GRIA1: variants seen among roughly 807,000 people sequenced by gnomAD.
The protein encoded by GRIA1 is glutamate ionotropic receptor AMPA type subunit 1.
A neutral mutation model predicts 99.2 loss-of-function variants in GRIA1; 31 were observed. The ratio of observed to expected loss-of-function variants is 0.31; its 90% CI spans 0.23 to 0.42. GRIA1 has a LOEUF of 0.42. Among genes scored for constraint, GRIA1 ranks in the 10% least tolerant of loss-of-function variants. GRIA1 has a pLI of 1.00. For synonymous variants in GRIA1, 438 were observed against 432.4 expected (o/e 1.01, Z -0.16); for missense variants, 782 against 1,157.5 (o/e 0.68, Z 4.71).
chr5:153,620,847 C>T (rs192269288), intron 2 of GRIA1, among the ~76,000 whole-genome samples: 1 of 152,304 alleles, frequency 6.6e-6, no homozygotes, highest in Admixed American at 6.5e-5. Flanking sequence ...GTTGTAGTTC[C>T]TACCCTAGTT....
chr5:153,714,948 G>A (rs899214689), intron 11 of GRIA1, among the ~76,000 whole-genome samples: 1 of 152,222 alleles, frequency 6.6e-6, no homozygotes, highest in African/African-American at 2.4e-5. Context: ...GTGGCTGAAG[G>A]AGAAACGGCC....
chr5:153,493,681 AG>A (rs1458129840), intron 1 of GRIA1, among the ~76,000 whole-genome samples: 13 of 152,194 alleles, frequency 8.5e-5, no homozygotes, highest in Non-Finnish European at 1.5e-5. Flanking sequence ...AGCTGAGTTG[AG>A]GGGTACACAA....
rs80335314 is a variant in GRIA1, at chr5:153,748,921, A to G, written c.1824-15513A>G. On this transcript the variant is annotated intron_variant, in intron 11 of 15. Coordinates refer to ENST00000285900, the MANE Select transcript of GRIA1 (RefSeq NM_000827.4). Reference sequence around the variant, plus strand: ...ATACATTTAAAAAACAGGATAGGGGATAGAGATCTAAATTGGGGAGTTTTC... The same window carrying G: ...ATACATTTAAAAAACAGGATAGGGGGTAGAGATCTAAATTGGGGAGTTTTC... Among the ~76,000 whole-genome samples the G allele has an allele frequency of 5.5e-3, 843 of 152,278 alleles. 14 individuals are homozygous for G. The highest frequency in any genetic ancestry group is 0.019 in the African/African-American group (806 of 41,554).
chr5:153,611,586 T>C (rs1765986029), intron 2 of GRIA1, among the ~76,000 whole-genome samples: 1 of 152,174 alleles, frequency 6.6e-6, no homozygotes, highest in Non-Finnish European at 1.5e-5. Context: ...GGAAAACTGG[T>C]GGTCAGTGGT....
intron 2 of GRIA1, among the ~76,000 whole-genome samples, chr5:153,631,864 C>G (rs1348783796): frequency 6.6e-6 from 1 of 151,884 alleles, no homozygotes; most frequent in East Asian, 1.9e-4. Context: ...TGCAAGATAA[C>G]AAGAAGCCAG....
chr5:153,635,788 AT>A (rs1753310822), intron 2 of GRIA1, among the ~76,000 whole-genome samples: 1 of 152,108 alleles, frequency 6.6e-6, no homozygotes, highest in Non-Finnish European at 1.5e-5. Context: ...CTTGGTACAT[AT>A]TCACTTTTTG....
At chr5:153,726,870 T>C (rs1338560259) in intron 11 of GRIA1, among the ~76,000 whole-genome samples, 1 of 152,142 alleles carries the variant, frequency 6.6e-6, no homozygotes, top group African/African-American at 2.4e-5. Context: ...GAGGGAAACC[T>C]CCCTAACTCA....
At chr5:153,502,909 T>C (rs1444498582) in intron 2 of GRIA1, among the ~76,000 whole-genome samples, 1 of 152,198 alleles carries the variant, frequency 6.6e-6, no homozygotes, top group Non-Finnish European at 1.5e-5. Context: ...TGTATAATTA[T>C]AGTACTAAGG....
At chr5:153,513,751 T>C (rs1038687907) in intron 2 of GRIA1, among the ~76,000 whole-genome samples, 7 of 152,202 alleles carry the variant, frequency 4.6e-5, no homozygotes, top group African/African-American at 1.7e-4. Flanking sequence ...CAGACTTTAC[T>C]GTTACTGTCA....
chr5:153,747,978 G>GTGTA (rs1474628209), intron 11 of GRIA1, among the ~76,000 whole-genome samples: 1 of 152,232 alleles, frequency 6.6e-6, no homozygotes, highest in African/African-American at 2.4e-5. Flanking sequence ...CATTTATTCA[G>GTGTA]TGTATGTTCA....
At chr5:153,762,573 G>A (rs1253803285) in intron 11 of GRIA1, among the ~76,000 whole-genome samples, 1 of 152,090 alleles carries the variant, frequency 6.6e-6, no homozygotes, top group African/African-American at 2.4e-5. Context: ...GTATATCCTG[G>A]TCTACCTACT....
intron 2 of GRIA1, among the ~76,000 whole-genome samples, chr5:153,570,045 A>G (rs373789782): frequency 1.3e-5 from 2 of 152,148 alleles, no homozygotes; most frequent in African/African-American, 2.4e-5. Context: ...TTTAAACCAG[A>G]TGGTCTTTTC....
intron 11 of GRIA1, among the ~76,000 whole-genome samples, chr5:153,745,589 C>CAAAAAAAAA (rs58166158): frequency 3.0e-5 from 3 of 100,910 alleles, no homozygotes; most frequent in Non-Finnish European, 4.0e-5. Context: ...AACTCTGTCT[C>CAAAAAAAAA]AAAAAAAAAA....
intron 11 of GRIA1, among the ~76,000 whole-genome samples, chr5:153,756,657 C>T (rs764584894): frequency 1.1e-4 from 16 of 152,190 alleles, no homozygotes; most frequent in Admixed American, 6.5e-5. Flanking sequence ...TGACTCTTCT[C>T]TAGGTCCAAC....
intron 2 of GRIA1, among the ~76,000 whole-genome samples, chr5:153,538,122 A>G (rs1360705022): frequency 6.6e-6 from 1 of 152,226 alleles, no homozygotes; most frequent in Non-Finnish European, 1.5e-5. Flanking sequence ...AATTGATGGC[A>G]TAGACTCAAC....
chr5:153,725,736 A>G (rs1479154222), intron 11 of GRIA1, among the ~76,000 whole-genome samples: 1 of 115,864 alleles, frequency 8.6e-6, no homozygotes, highest in African/African-American at 3.5e-5. Context: ...CCAGTTTCAT[A>G]AAGCAAGTCC....
At chr5:153,522,526 T>A (rs1381909289) in intron 2 of GRIA1, among the ~76,000 whole-genome samples, 1 of 152,146 alleles carries the variant, frequency 6.6e-6, no homozygotes, top group African/African-American at 2.4e-5. Flanking sequence ...TGGGCTAATA[T>A]AACATGAGTT....
chr5:153,652,636 C>T (rs972215499), intron 4 of GRIA1, among the ~76,000 whole-genome samples: 3 of 152,072 alleles, frequency 2.0e-5, no homozygotes, highest in Admixed American at 6.5e-5. Flanking sequence ...AAGAAGTGAC[C>T]CGTTTGTATG....
At chr5:153,758,581 TAA>T (rs1440807035) in intron 11 of GRIA1, among the ~76,000 whole-genome samples, 1 of 151,898 alleles carries the variant, frequency 6.6e-6, no homozygotes, top group Non-Finnish European at 1.5e-5. Flanking sequence ...TTAATAGACT[TAA>T]AGAGAACTAT....
Sources: allele counts gnomAD v4.1 joint callset (sites outside exome capture counted in the v4.1 genomes callset), GRCh38; gene constraint gnomAD v4.1.1; transcripts MANE v1.5; gene names NCBI Gene and HGNC (gene_info 2026-07-23, HGNC 2026-07-21).